Variants in TNIK observed in about 807,000 individuals in gnomAD.
TNIK encodes the protein TRAF2 and NCK interacting kinase, also known as TRAF2 and NCK-interacting protein kinase.
In TNIK, 49 loss-of-function variants were observed where a neutral mutation model predicts 191.3. That is an observed-to-expected ratio of 0.26 (90% CI 0.20 to 0.32). TNIK has a LOEUF of 0.32. TNIK is among the 10% of genes least tolerant of loss of function. The probability of loss-of-function intolerance (pLI) is 1.00; values close to 1 mark genes in which losing one functional copy is unlikely to be tolerated. For synonymous variants in TNIK, 594 were observed against 600.9 expected, an observed-to-expected ratio of 0.99 and a Z score of 0.17; for missense variants, 1,155 against 1,702.3, an observed-to-expected ratio of 0.68 and a Z score of 5.66.
chr3:171,105,623 A>ATACC (rs1398234147), intron 21 of TNIK, among the ~76,000 whole-genome samples: 1 of 152,126 alleles, frequency 6.6e-6, no homozygotes, highest in Non-Finnish European at 1.5e-5. Flanking sequence ...GTAATTACGT[A>ATACC]TACCTCCATT....
intron 2 of TNIK, among the ~76,000 whole-genome samples, chr3:171,245,469 A>C (rs1012515900): frequency 2.6e-5 from 4 of 152,144 alleles, no homozygotes; most frequent in East Asian, 1.9e-4. Flanking sequence ...TTAAACCATA[A>C]ATTTTTAAAT....
chr3:171,408,120 T>C (rs1392158669), intron 1 of TNIK, among the ~76,000 whole-genome samples: 1 of 152,192 alleles, frequency 6.6e-6, no homozygotes, highest in Non-Finnish European at 1.5e-5. Context: ...CAGCTTCTTC[T>C]AAAAAAGGTG....
intron 1 of TNIK, among the ~76,000 whole-genome samples, chr3:171,401,576 A>G (rs4894599): frequency 0.7 from 106,327 of 151,226 alleles, 38,355 homozygotes; most frequent in Middle Eastern, 0.82. Flanking sequence ...TGAAGTCTTA[A>G]AATAGTCTCT....
chr3:171,289,911 A>G, intron 2 of TNIK, among the ~76,000 whole-genome samples: 1 of 151,916 alleles, frequency 6.6e-6, no homozygotes, highest in Non-Finnish European at 1.5e-5. Flanking sequence ...CAAAAAAAAA[A>G]AAAAAAAAAA....
chr3:171,422,137 T>C (rs1271177123), intron 1 of TNIK, among the ~76,000 whole-genome samples: 4 of 152,172 alleles, frequency 2.6e-5, no homozygotes, highest in African/African-American at 9.7e-5. Flanking sequence ...CAGAAGGAAC[T>C]AGCAATGTGT....
At chr3:171,445,290 A>G (rs1243356508) in intron 1 of TNIK, among the ~76,000 whole-genome samples, 1 of 152,012 alleles carries the variant, frequency 6.6e-6, no homozygotes, top group Non-Finnish European at 1.5e-5. Context: ...ATGGTGGCAC[A>G]TGCCTGTAGT....
chr3:171,269,085 A>C (rs1224481146), intron 2 of TNIK, among the ~76,000 whole-genome samples: 4 of 152,250 alleles, frequency 2.6e-5, no homozygotes, highest in African/African-American at 4.8e-5. Flanking sequence ...GATTATTCAA[A>C]GCTCATTTGA....
At chr3:171,442,036 C>A (rs1726876574) in intron 1 of TNIK, among the ~76,000 whole-genome samples, 1 of 152,068 alleles carries the variant, frequency 6.6e-6, no homozygotes, top group South Asian at 2.1e-4. Context: ...ATATAATGAT[C>A]ATAGAAATTT....
At chr3:171,320,863 A>G (rs1755099554) in intron 2 of TNIK, among the ~76,000 whole-genome samples, 1 of 152,230 alleles carries the variant, frequency 6.6e-6, no homozygotes, top group Non-Finnish European at 1.5e-5. Context: ...TTGGCTATTA[A>G]TAGTCCCACT....
chr3:171,346,938 C>T (rs1249725972), intron 2 of TNIK: 9 of 501,994 alleles, frequency 1.8e-5, no homozygotes, highest in African/African-American at 3.9e-5. Flanking sequence ...GAGACATGAT[C>T]AAATAAGCAT....
intron 4 of TNIK, among the ~76,000 whole-genome samples, chr3:171,197,662 G>A (rs1437920746): frequency 2.0e-5 from 3 of 152,174 alleles, no homozygotes; most frequent in African/African-American, 2.4e-5. Flanking sequence ...AAGGCTTGAT[G>A]TCATTAGTCA....
intron 2 of TNIK, among the ~76,000 whole-genome samples, chr3:171,287,387 C>T (rs1751134927): frequency 6.6e-6 from 1 of 152,146 alleles, no homozygotes; most frequent in Admixed American, 6.5e-5. Flanking sequence ...TTTTCCTTTG[C>T]TTTTAATGCA....
chr3:171,263,509 A>T (rs1326543206), intron 2 of TNIK, among the ~76,000 whole-genome samples: 2 of 152,152 alleles, frequency 1.3e-5, no homozygotes, highest in South Asian at 2.1e-4. Flanking sequence ...GTTGCCTTTT[A>T]AAAAATCTCC....
chr3:171,162,416 T>A (rs1357728919), intron 10 of TNIK, among the ~76,000 whole-genome samples: 1 of 152,196 alleles, frequency 6.6e-6, no homozygotes, highest in Non-Finnish European at 1.5e-5. Flanking sequence ...AGAGTGAGAC[T>A]CCGTCTCAAA....
At chr3:171,127,700 A>G (rs1728680245) in intron 16 of TNIK, among the ~76,000 whole-genome samples, 1 of 152,228 alleles carries the variant, frequency 6.6e-6, no homozygotes, top group Non-Finnish European at 1.5e-5. Context: ...ATTATATACA[A>G]ATTAAAAACA....
chr3:171,397,535 A>C (rs967264461), intron 1 of TNIK, among the ~76,000 whole-genome samples: 11 of 152,182 alleles, frequency 7.2e-5, no homozygotes, highest in African/African-American at 2.4e-4. Flanking sequence ...CCAGCTACCC[A>C]TGTGAACTCC....
At chr3:171,084,124 A>AG in intron 26 of TNIK, 31 bp downstream of exon 26, 1 of 112,816 alleles carries the variant, frequency 8.9e-6, no homozygotes, top group Non-Finnish European at 1.9e-5. Context: ...GTGGTTATTT[A>AG]AAAAAAAAAA....
chr3:171,160,086 C>A (rs1387767797), intron 11 of TNIK, among the ~76,000 whole-genome samples: 2 of 152,318 alleles, frequency 1.3e-5, no homozygotes, highest in African/African-American at 4.8e-5. Flanking sequence ...TGGTCCTCTG[C>A]CTTTCAGGAA....
chr3:171,162,803 A>G (rs995189885), intron 10 of TNIK, among the ~76,000 whole-genome samples: 3 of 152,254 alleles, frequency 2.0e-5, no homozygotes, highest in Admixed American at 6.5e-5. Flanking sequence ...TAAAAGGTCA[A>G]TCTAGGATTT....
Sources: gnomAD v4.1 joint callset for allele counts (sites outside exome capture counted in the v4.1 genomes callset) on GRCh38, gnomAD v4.1.1 for gene constraint, MANE v1.5 for transcripts, NCBI Gene and HGNC (gene_info 2026-07-23, HGNC 2026-07-21) for gene names.